COMMD10: variants seen among roughly 807,000 people sequenced by gnomAD.
The protein encoded by COMMD10 is COMM domain containing 10, also known as COMM domain-containing protein 10.
A neutral mutation model predicts 28.9 loss-of-function variants in COMMD10; 33 were observed. The observed-to-expected ratio is 1.14, with a 90% CI of 0.87 to 1.53. The LOEUF is 1.53. Among genes scored for constraint, COMMD10 ranks in the 40% most tolerant of loss-of-function variants. The pLI is 0.00. For missense variants in COMMD10, 310 were observed against 233.4 expected, an observed-to-expected ratio of 1.33 and a Z score of -2.14; for synonymous variants, 110 against 81.7, an observed-to-expected ratio of 1.35 and a Z score of -1.87.
chr5:116,115,928 T>A (rs1751218871), intron 4 of COMMD10, among the ~76,000 whole-genome samples: 1 of 152,184 alleles, frequency 6.6e-6, no homozygotes, highest in South Asian at 2.1e-4. Context: ...TAAAATGCAC[T>A]TATGGTTTTG....
chr5:116,140,337 A>G (rs1323283463), intron 5 of COMMD10, among the ~76,000 whole-genome samples: 1 of 151,714 alleles, frequency 6.6e-6, no homozygotes, highest in African/African-American at 2.4e-5. Context: ...TTATCCATTG[A>G]TAGATAGTTA....
chr5:116,282,540 G>C (rs1751099692), intron 5 of COMMD10, among the ~76,000 whole-genome samples: 2 of 151,818 alleles, frequency 1.3e-5, no homozygotes, highest in South Asian at 4.1e-4. Flanking sequence ...AGAGGTGTTT[G>C]GTCTTAAATT....
At chr5:116,179,684 G>A (rs1747879451) in intron 5 of COMMD10, among the ~76,000 whole-genome samples, 2 of 152,096 alleles carry the variant, frequency 1.3e-5, no homozygotes, top group African/African-American at 4.8e-5. Context: ...TTGCAAACCA[G>A]GTAGTTTTTA....
At chr5:116,174,624 G>A (rs1164848322) in intron 5 of COMMD10, among the ~76,000 whole-genome samples, 1 of 130,298 alleles carries the variant, frequency 7.7e-6, no homozygotes, top group African/African-American at 4.0e-5. Context: ...ATACTTTGAA[G>A]GGAATATGGT....
At chr5:116,173,838 G>T (rs916234585) in intron 5 of COMMD10, among the ~76,000 whole-genome samples, 1 of 118,912 alleles carries the variant, frequency 8.4e-6, no homozygotes, top group African/African-American at 3.7e-5. Flanking sequence ...GTTTTGTTTT[G>T]TTTTGTTTTT....
intron 5 of COMMD10, among the ~76,000 whole-genome samples, chr5:116,243,092 A>T (rs562937470): frequency 6.6e-6 from 1 of 152,336 alleles, no homozygotes; most frequent in East Asian, 1.9e-4. Flanking sequence ...TGTGATGTCC[A>T]AGAAGTACTA....
chr5:116,089,898 A>G (rs1750241024), intron 2 of COMMD10, among the ~76,000 whole-genome samples: 1 of 152,148 alleles, frequency 6.6e-6, no homozygotes, highest in African/African-American at 2.4e-5. Context: ...TTTTCAGTCA[A>G]GTTTGCAGTG....
intron 5 of COMMD10, among the ~76,000 whole-genome samples, chr5:116,238,293 G>A (rs1225987721): frequency 6.6e-6 from 1 of 152,166 alleles, no homozygotes; most frequent in Non-Finnish European, 1.5e-5. Context: ...ATATTTACTG[G>A]ACTGCATGAC....
At chr5:116,278,897 T>C (rs895416957) in intron 5 of COMMD10, among the ~76,000 whole-genome samples, 13 of 151,814 alleles carry the variant, frequency 8.6e-5, no homozygotes, top group African/African-American at 2.7e-4. Context: ...ACTACTACCA[T>C]TGGGGTCAAA....
At chr5:116,214,325 C>T (rs1193791516) in intron 5 of COMMD10, among the ~76,000 whole-genome samples, 1 of 152,098 alleles carries the variant, frequency 6.6e-6, no homozygotes, top group African/African-American at 2.4e-5. Context: ...TTACTAACTA[C>T]ATTAATGAGC....
At chr5:116,281,560 A>C (rs538058931) in intron 5 of COMMD10, among the ~76,000 whole-genome samples, 5 of 151,742 alleles carry the variant, frequency 3.3e-5, no homozygotes, top group Admixed American at 1.3e-4. Flanking sequence ...TAGACAATAT[A>C]AGTAATGCAT....
chr5:116,150,639 C>G (rs1306292718), intron 5 of COMMD10, among the ~76,000 whole-genome samples: 1 of 142,656 alleles, frequency 7.0e-6, no homozygotes, highest in Admixed American at 7.0e-5. Context: ...GGAGTTCACT[C>G]ATGATTTGGC....
intron 5 of COMMD10, among the ~76,000 whole-genome samples, chr5:116,287,778 C>G (rs1421583717): frequency 6.6e-6 from 1 of 151,630 alleles, no homozygotes; most frequent in African/African-American, 2.4e-5. Flanking sequence ...TAAAACATCT[C>G]AAAGTTATAG....
chr5:116,249,183 A>G (rs1253075603), intron 5 of COMMD10, among the ~76,000 whole-genome samples: 1 of 151,970 alleles, frequency 6.6e-6, no homozygotes, highest in Non-Finnish European at 1.5e-5. Context: ...GGGCTATTTC[A>G]GATAACAAAT....
At chr5:116,248,101 T>C (rs1395347021) in intron 5 of COMMD10, among the ~76,000 whole-genome samples, 2 of 151,534 alleles carry the variant, frequency 1.3e-5, no homozygotes, top group East Asian at 1.9e-4. Context: ...ATACCACTTT[T>C]ACTGCTGTGA....
intron 4 of COMMD10, among the ~76,000 whole-genome samples, chr5:116,094,412 A>G (rs1042441775): frequency 6.6e-6 from 1 of 152,246 alleles, no homozygotes; most frequent in Non-Finnish European, 1.5e-5. Context: ...AGGTATATGA[A>G]AAAATGCTTA....
chr5:116,282,941 G>T lies in COMMD10; in HGVS notation c.511-8576G>T, dbSNP rs997127378. ...CCTAAACTCATAGTTGATAGACGAG[G>T]AATAAACATGTACACATAGGAGCAG... is the stretch of plus-strand genomic sequence containing the variant. On this transcript the variant is annotated intron_variant, in intron 5 of 6. Transcript: ENST00000274458. 5.9e-5 allele frequency among the ~76,000 whole-genome samples: 9 copies of T among 151,890 alleles called. 1 individual carries two copies. The highest frequency in any genetic ancestry group is 1.0e-4 in the Non-Finnish European group (7 of 68,018).
intron 4 of COMMD10, among the ~76,000 whole-genome samples, chr5:116,100,085 A>G (rs562935761): frequency 1.3e-5 from 2 of 152,308 alleles, no homozygotes; most frequent in South Asian, 4.1e-4. Context: ...TGTGTATGAA[A>G]CAAAGTTTTG....
intron 5 of COMMD10, among the ~76,000 whole-genome samples, chr5:116,255,298 A>G (rs1750250665): frequency 6.6e-6 from 1 of 151,656 alleles, no homozygotes; most frequent in Non-Finnish European, 1.5e-5. Context: ...GTCCATTTAC[A>G]TTTAAAGTTA....
Sources: gnomAD v4.1 joint callset for allele counts (sites outside exome capture counted in the v4.1 genomes callset) on GRCh38, gnomAD v4.1.1 for gene constraint, MANE v1.5 for transcripts, NCBI Gene and HGNC (gene_info 2026-07-23, HGNC 2026-07-21) for gene names.